Variants in SLC39A11 observed in about 807,000 individuals in gnomAD.
The protein encoded by SLC39A11 is solute carrier family 39 member 11.
Under a neutral mutation model 36.1 loss-of-function variants are expected in SLC39A11, and 33 were observed. That is an observed-to-expected ratio of 0.91 (90% CI 0.69 to 1.22). The LOEUF is 1.22. SLC39A11 is among the 50% of genes most tolerant of loss of function. SLC39A11 has a pLI of 0.00. For synonymous variants in SLC39A11, 166 were observed against 170.3 expected (o/e 0.97, Z 0.20); for missense variants, 432 against 430.3 (o/e 1.00, Z -0.03).
intron 5 of SLC39A11, among the ~76,000 whole-genome samples, chr17:72,910,210 T>C (rs1341643624): frequency 6.6e-6 from 1 of 152,076 alleles, no homozygotes; most frequent in African/African-American, 2.4e-5. Context: ...GGTACTACGC[T>C]CCCTATCTGG....
At chr17:72,946,684 T>C (rs2085449787) in intron 5 of SLC39A11, among the ~76,000 whole-genome samples, 1 of 152,132 alleles carries the variant, frequency 6.6e-6, no homozygotes, top group Non-Finnish European at 1.5e-5. Flanking sequence ...CCCGGGGTCT[T>C]GCAGGATTAA....
chr17:72,891,862 T>A (rs1212203297), intron 5 of SLC39A11, among the ~76,000 whole-genome samples: 11 of 151,714 alleles, frequency 7.3e-5, no homozygotes, highest in Non-Finnish European at 1.5e-5. Context: ...ATAATTTTTA[T>A]TATTTTAAAA....
intron 4 of SLC39A11, among the ~76,000 whole-genome samples, chr17:72,993,967 G>T (rs549527292): frequency 6.6e-6 from 1 of 152,046 alleles, no homozygotes; most frequent in Non-Finnish European, 1.5e-5. Context: ...TCATGGGGGC[G>T]GGTGTTTCCC....
At chr17:72,793,518 T>G (rs1210864286) in intron 6 of SLC39A11, among the ~76,000 whole-genome samples, 1 of 152,182 alleles carries the variant, frequency 6.6e-6, no homozygotes, top group Admixed American at 6.5e-5. Context: ...TTGCGTGGAA[T>G]AGAGAAATAG....
chr17:73,077,505 T>C (rs1414326778), intron 3 of SLC39A11, among the ~76,000 whole-genome samples: 1 of 152,158 alleles, frequency 6.6e-6, no homozygotes, highest in African/African-American at 2.4e-5. Flanking sequence ...TCTTTTGTTT[T>C]TTGACAGAGA....
At chr17:72,793,024 G>A (rs532141395) in intron 6 of SLC39A11, among the ~76,000 whole-genome samples, 1 of 152,268 alleles carries the variant, frequency 6.6e-6, no homozygotes, top group African/African-American at 2.4e-5. Context: ...GAGCATTTCG[G>A]GCAAATTACA....
At chr17:72,665,389 G>GTTTTTTTGT (rs2070688987) in intron 7 of SLC39A11, among the ~76,000 whole-genome samples, 3 of 76,636 alleles carry the variant, frequency 3.9e-5, no homozygotes, top group Non-Finnish European at 7.2e-5. Flanking sequence ...GTTTTGAGGT[G>GTTTTTTTGT]TTTTTTTTTT....
At chr17:72,853,068 G>A (rs1033137343) in intron 5 of SLC39A11, among the ~76,000 whole-genome samples, 2 of 152,186 alleles carry the variant, frequency 1.3e-5, no homozygotes, top group African/African-American at 2.4e-5. Context: ...AGGCTAGAGT[G>A]CAGTGGCACA....
intron 4 of SLC39A11, among the ~76,000 whole-genome samples, chr17:72,990,248 A>G (rs527337030): frequency 9.2e-5 from 14 of 152,350 alleles, no homozygotes; most frequent in Admixed American, 8.5e-4. Flanking sequence ...TACAAACCCT[A>G]AGACTGCCGG....
chr17:72,736,776 T>A (rs938031779), intron 6 of SLC39A11, 57 bp from the exon 7 acceptor site: 7 of 1,328,382 alleles, frequency 5.3e-6, no homozygotes, highest in African/African-American at 4.3e-5. Context: ...ATAAGGAACA[T>A]CACCATCACT....
chr17:72,719,492 C>T (rs996602795), intron 7 of SLC39A11, among the ~76,000 whole-genome samples: 10 of 152,218 alleles, frequency 6.6e-5, no homozygotes, highest in Admixed American at 6.5e-4. Flanking sequence ...AACTAAACCG[C>T]ACCCACAGCT....
At chr17:72,648,190 C>T (rs1038572455) in intron 9 of SLC39A11, among the ~76,000 whole-genome samples, 2 of 151,534 alleles carry the variant, frequency 1.3e-5, no homozygotes, top group African/African-American at 4.9e-5. Flanking sequence ...ATTAGCTGGG[C>T]GTAGTGGTGG....
chr17:72,732,227 C>T (rs1198234986), intron 7 of SLC39A11, among the ~76,000 whole-genome samples: 1 of 151,448 alleles, frequency 6.6e-6, no homozygotes, highest in African/African-American at 2.4e-5. Context: ...GTAGGCCAAG[C>T]CGGTCTTGAA....
chr17:73,034,001 A>G lies in SLC39A11; in HGVS notation c.148-2287T>C, dbSNP rs568612587. 5.9e-5 allele frequency among the ~76,000 whole-genome samples: 9 copies of G among 152,324 alleles called. No homozygotes were observed. The South Asian group carries it at 1.7e-3, about 28-fold the overall frequency. On this transcript the variant is annotated intron_variant, in intron 3 of 9. Coordinates refer to ENST00000255559, the MANE Select transcript of SLC39A11 (RefSeq NM_139177.4). Reference sequence around the variant, plus strand: ...AAGAATGAAAATGCCTCTGCTCAACAGGATGGGAGCTGAGGCTGATCCGTT... The same window carrying G: ...AAGAATGAAAATGCCTCTGCTCAACGGGATGGGAGCTGAGGCTGATCCGTT...
At chr17:73,030,872 C>T (rs74616292) in intron 4 of SLC39A11, among the ~76,000 whole-genome samples, 2,185 of 152,304 alleles carry the variant, frequency 0.014, 46 homozygotes, top group African/African-American at 0.042. Context: ...GCGGTTTGCA[C>T]GGTGCTTCCC....
rs576036344 is a variant in SLC39A11 at position 72,973,219 on chromosome 17, C to T, written c.307-25344G>A. ...AGGTTTGATTAGAAGAAATAGAAAACCCTACTGCAGCGACTTACACAGGAA... is the reference window on the plus strand; with the variant it reads ...AGGTTTGATTAGAAGAAATAGAAAATCCTACTGCAGCGACTTACACAGGAA... On this transcript the variant is annotated intron_variant, in intron 4 of 9. Coordinates refer to ENST00000255559, the MANE Select transcript of SLC39A11 (RefSeq NM_139177.4). 1.6e-3 allele frequency among the ~76,000 whole-genome samples: 248 copies of T among 151,962 alleles called. 1 individual carries two copies. Among genetic ancestry groups the T allele is most frequent in the African/African-American group, 5.7e-3 (235 of 41,438 alleles).
intron 6 of SLC39A11, among the ~76,000 whole-genome samples, chr17:72,772,120 C>A (rs1375492909): frequency 6.6e-6 from 1 of 152,154 alleles, no homozygotes; most frequent in Non-Finnish European, 1.5e-5. Context: ...CAGGCCTGGA[C>A]AACAGGAGAG....
At chr17:73,005,379 G>A (rs927592511) in intron 4 of SLC39A11, among the ~76,000 whole-genome samples, 2 of 152,124 alleles carry the variant, frequency 1.3e-5, no homozygotes, top group African/African-American at 4.8e-5. Context: ...CTGATATAAG[G>A]GAACTGACAC....
chr17:73,063,125 T>A (rs2059897584), intron 3 of SLC39A11, among the ~76,000 whole-genome samples: 1 of 152,150 alleles, frequency 6.6e-6, no homozygotes, highest in South Asian at 2.1e-4. Context: ...ATAAAAGAGT[T>A]AAAATGTTAG....
Sources: gnomAD v4.1 joint callset for allele counts (sites outside exome capture counted in the v4.1 genomes callset) on GRCh38, gnomAD v4.1.1 for gene constraint, MANE v1.5 for transcripts, NCBI Gene and HGNC (gene_info 2026-07-23, HGNC 2026-07-21) for gene names.